CAMK1: variants seen among roughly 807,000 people sequenced by gnomAD.
CAMK1 encodes calcium/calmodulin dependent protein kinase I, also known as calcium/calmodulin-dependent protein kinase type 1.
CAMK1 carries 39 observed loss-of-function variants against 49.1 expected under a neutral mutation model. The observed-to-expected ratio is 0.79, with a 90% CI of 0.62 to 1.04. The LOEUF is 1.04. CAMK1 is among the 50% of genes least tolerant of loss of function. The probability of loss-of-function intolerance (pLI) is 0.00; values close to 1 mark genes in which losing one functional copy is unlikely to be tolerated. For missense variants in CAMK1, 457 were observed against 472.2 expected (o/e 0.97, Z 0.30); for synonymous variants, 192 against 185.2 (o/e 1.04, Z -0.30).
At chr3:9,764,553 C>T (rs1373746921) in intron 3 of CAMK1, among the ~76,000 whole-genome samples, 1 of 149,494 alleles carries the variant, frequency 6.7e-6, no homozygotes, top group Non-Finnish European at 1.5e-5. Context: ...CTCAGGTGAT[C>T]TGCCCACTTC....
chr3:9,769,275 C>T (rs1051672571), intron 1 of CAMK1, among the ~76,000 whole-genome samples: 6 of 151,874 alleles, frequency 4.0e-5, no homozygotes, highest in African/African-American at 1.2e-4. Flanking sequence ...ATATACCAGA[C>T]GTACCCTACA....
chr3:9,761,482 A>G lies in CAMK1; in HGVS notation c.611T>C (p.Ile204Thr), dbSNP rs771134172. 3.7e-6 allele frequency: 6 copies of G among 1,612,992 alleles called. No individual in the cohort carries two copies. Among genetic ancestry groups the G allele is most frequent in the Non-Finnish European group, 3.4e-6 (4 of 1,179,564 alleles). The change falls in exon 7 of 12, where the codon ATA becomes ACA. Residue 204 changes from isoleucine (I) to threonine (T), a missense_variant. Ile to Thr is a moderately conservative substitution (Grantham distance 89). Coordinates refer to ENST00000256460, the MANE Select transcript of CAMK1 (RefSeq NM_003656.5). Reference sequence around the variant, plus strand: ...TTACAAGATGTAGGCGATGACACCTATGGACCAGCAATCCACAGCCTTGCT... The same window carrying G: ...TTACAAGATGTAGGCGATGACACCTGTGGACCAGCAATCCACAGCCTTGCT... ...PYSKAVDCWS[I>T]GVIAYILLCG... is the part of the protein sequence containing the mutation.
intron 1 of CAMK1, among the ~76,000 whole-genome samples, chr3:9,768,922 G>A (rs1428987875): frequency 6.6e-6 from 1 of 152,010 alleles, no homozygotes; most frequent in African/African-American, 2.4e-5. Flanking sequence ...TCTAGAGGCA[G>A]AGTCTGAAAC....
intron 1 of CAMK1, among the ~76,000 whole-genome samples, chr3:9,768,206 C>G (rs557569718): frequency 6.6e-6 from 1 of 152,314 alleles, no homozygotes; most frequent in South Asian, 2.1e-4. Flanking sequence ...TGTCTCCTTT[C>G]CCTCCTCCTT....
In CAMK1 at chr3:9,761,674, C is replaced by A; in HGVS notation, c.513G>T (p.Pro171=). ...CACAGGCGGTGGAGAGCACACTGCC[C>A]GGGTCCTCCATCTTGGAGAGGCCAA... ...SDFGLSKMED[P]GSVLSTACGT... Residue 171 remains proline (P), a synonymous_variant, in exon 6 of 12, where the codon CCG becomes CCT. Coordinates refer to ENST00000256460, the MANE Select transcript of CAMK1 (RefSeq NM_003656.5). 1 of 1,614,136 alleles carries A rather than the reference C, an allele frequency of 6.2e-7. No individual in the cohort carries two copies. The highest frequency in any genetic ancestry group is 1.1e-5 in the South Asian group (1 of 91,074).
At chr3:9,761,967 C>T (rs1373848218) in intron 5 of CAMK1, 4 of 621,338 alleles carry the variant, frequency 6.4e-6, no homozygotes, top group Non-Finnish European at 1.1e-5. Flanking sequence ...GGAACTGTCT[C>T]TAAACCTCAG....
intron 10 of CAMK1, chr3:9,759,201 C>T (rs945508496): frequency 6.2e-6 from 10 of 1,613,336 alleles, no homozygotes; most frequent in Non-Finnish European, 8.5e-6. Context: ...GTCAGGTCAT[C>T]ACCACTTTTA....
chr3:9,760,866 G>A, intron 7 of CAMK1, 98 bp from the exon 8 acceptor site: 1 of 1,548,550 alleles, frequency 6.5e-7, no homozygotes, highest in Non-Finnish European at 8.8e-7. Context: ...AGGAGCCATG[G>A]AAGGAGTTCC....
intron 10 of CAMK1, 186 bp from the exon 11 acceptor site, chr3:9,758,032 G>T: frequency 3.7e-6 from 3 of 801,232 alleles, no homozygotes; most frequent in Non-Finnish European, 5.7e-6. Context: ...ACACACACAC[G>T]CACATATGTT....
intron 5 of CAMK1, 197 bp from the exon 6 acceptor site, chr3:9,761,954 G>C (rs937082797): frequency 2.6e-5 from 18 of 691,264 alleles, no homozygotes; most frequent in South Asian, 5.9e-5. Context: ...GAGGGTGTGG[G>C]GGGGAACTGT....
intron 7 of CAMK1, 92 bp from the exon 8 acceptor site, chr3:9,760,860 G>A: frequency 6.4e-7 from 1 of 1,563,606 alleles, no homozygotes; most frequent in Non-Finnish European, 8.7e-7. Context: ...TCAGGCAGGA[G>A]CCATGGAAGG....
intron 1 of CAMK1, among the ~76,000 whole-genome samples, chr3:9,769,531 A>G (rs1355430356): frequency 6.6e-6 from 1 of 151,740 alleles, no homozygotes; most frequent in Non-Finnish European, 1.5e-5. Flanking sequence ...AAGACAGTAC[A>G]CTCCGCAAGC....
In CAMK1 at chr3:9,763,783, C is replaced by T. The variant is rs1001594385; in HGVS notation, c.216-570G>A. ...GGCGGATCACTTGAGGTCAGGAGTT[C>T]GAGACCAGCCTGGCCAACATGGCGA... On this transcript the variant is annotated intron_variant, in intron 3 of 11. Transcript: ENST00000256460. 4.6e-5 allele frequency among the ~76,000 whole-genome samples: 7 copies of T among 152,082 alleles called. No individual in the cohort carries two copies. The East Asian group carries it at 9.6e-4, about 21-fold the overall frequency.
rs1239297463 is a variant in CAMK1, at chr3:9,759,719, C to T, written c.777G>A (p.Lys259=). Residue 259 remains lysine, a synonymous_variant, in exon 9 of 12, where the codon AAG becomes AAA. Transcript: ENST00000256460. ...CACAGGTGAATCTTTTCTCTGGGTC[C>T]TTCTCCATCAAGTGCCGGATGAAAT... ...AKDFIRHLME[K]DPEKRFTCEQ... is the part of the protein sequence containing the mutation. 4.3e-6 allele frequency: 7 copies of T among 1,614,196 alleles called. No homozygotes were observed. The highest frequency in any genetic ancestry group is 5.9e-6 in the Non-Finnish European group (7 of 1,180,034).
intron 2 of CAMK1, among the ~76,000 whole-genome samples, chr3:9,767,145 C>G (rs1406659928): frequency 6.6e-6 from 1 of 152,220 alleles, no homozygotes; most frequent in Non-Finnish European, 1.5e-5. Flanking sequence ...CAGTCCCCAG[C>G]TCTAATGCCC....
intron 2 of CAMK1, chr3:9,766,317 G>A (rs2078150140): frequency 2.9e-6 from 2 of 694,394 alleles, no homozygotes; most frequent in African/African-American, 1.8e-5. Context: ...CATGCCTGAG[G>A]TCTACCCCTG....
At chr3:9,761,068 A>C (rs901458490) in intron 7 of CAMK1, 1 of 386,698 alleles carries the variant, frequency 2.6e-6, no homozygotes, top group Non-Finnish European at 4.8e-6. Flanking sequence ...CTCCACAGCG[A>C]GCCCTTCCCT....
chr3:9,763,367 G>T, intron 3 of CAMK1, 154 bp from the exon 4 acceptor site: 1 of 277,946 alleles, frequency 3.6e-6, no homozygotes. Context: ...ACTAGCCACT[G>T]CACTCCAGCC....
rs1474806266 is a variant in CAMK1, at chr3:9,757,769, C to T, written c.990G>A (p.Gln330=). The T allele has an allele frequency of 1.2e-6, 2 of 1,614,032 alleles. No homozygotes were observed. The highest frequency in any genetic ancestry group is 1.3e-5 in the African/African-American group (1 of 74,940). The change falls in exon 11 of 12, where the codon CAG becomes CAA. Residue 330 remains glutamine (Q), a synonymous_variant. Transcript: ENST00000256460. The surrounding 1 kb of genome is among the most constrained non-coding windows in gnomAD (Gnocchi z 4.5). ...QLGTSQEGQG[Q]TASHGELLTP... Reference sequence around the variant, plus strand: ...TCAGCAGCTCCCCATGGCTCGCCGTCTGCCCCTGCCCCTCCTGGCTGGTGC... The same window carrying T: ...TCAGCAGCTCCCCATGGCTCGCCGTTTGCCCCTGCCCCTCCTGGCTGGTGC...
Sources: allele counts gnomAD v4.1 joint callset (sites outside exome capture counted in the v4.1 genomes callset), GRCh38; gene constraint gnomAD v4.1.1; non-coding constraint Gnocchi (gnomAD v3.1); transcripts MANE v1.5; gene names NCBI Gene and HGNC (gene_info 2026-07-23, HGNC 2026-07-21).